MPP7: variants seen among roughly 807,000 people sequenced by gnomAD.
MPP7 encodes the protein MAGUK p55 scaffold protein 7, also known as MAGUK p55 subfamily member 7.
Under a neutral mutation model 76.5 loss-of-function variants are expected in MPP7, and 60 were observed. The observed-to-expected ratio is 0.78, with a 90% CI of 0.64 to 0.97. The LOEUF (loss-of-function observed/expected upper bound fraction) is 0.97. Among genes scored for constraint, MPP7 ranks in the 50% least tolerant of loss-of-function variants. The pLI is 0.00. For synonymous variants in MPP7, 237 were observed against 244.5 expected (o/e 0.97, Z 0.29); for missense variants, 641 against 694.0 (o/e 0.92, Z 0.86).
intron 8 of MPP7, among the ~76,000 whole-genome samples, chr10:28,122,221 G>C (rs1369891224): frequency 1.3e-5 from 2 of 151,592 alleles, no homozygotes; most frequent in East Asian, 3.9e-4. Flanking sequence ...TTTTTAAATG[G>C]ATCTATGGTC....
intron 2 of MPP7, among the ~76,000 whole-genome samples, chr10:28,217,054 A>C (rs560576222): frequency 2.6e-5 from 4 of 152,292 alleles, no homozygotes; most frequent in African/African-American, 9.6e-5. Context: ...ATATTCAGAA[A>C]AAAAATGTAG....
chr10:28,156,369 G>A (rs766832108), intron 3 of MPP7, among the ~76,000 whole-genome samples: 1 of 152,138 alleles, frequency 6.6e-6, no homozygotes, highest in Non-Finnish European at 1.5e-5. Context: ...CCTAGTAAGA[G>A]GAGATTCTCG....
intron 3 of MPP7, among the ~76,000 whole-genome samples, chr10:28,171,584 C>T (rs1417959486): frequency 1.3e-5 from 2 of 152,178 alleles, no homozygotes; most frequent in African/African-American, 4.8e-5. Flanking sequence ...GTCTTCTCTA[C>T]ACATTTACTG....
intron 3 of MPP7, among the ~76,000 whole-genome samples, chr10:28,185,533 C>A (rs1360363897): frequency 6.6e-6 from 1 of 152,110 alleles, no homozygotes; most frequent in Admixed American, 6.6e-5. Context: ...AGCAAAAGGT[C>A]CCAATTTGAT....
At chr10:28,295,801 G>A (rs1841024347) in intron 1 of MPP7, among the ~76,000 whole-genome samples, 1 of 152,202 alleles carries the variant, frequency 6.6e-6, no homozygotes, top group Admixed American at 6.5e-5. Context: ...TATCTAGACC[G>A]GGAGACTTTT....
intron 1 of MPP7, among the ~76,000 whole-genome samples, chr10:28,289,086 G>A (rs1840851988): frequency 6.6e-6 from 1 of 152,064 alleles, no homozygotes; most frequent in South Asian, 2.1e-4. Context: ...GATCATTTGA[G>A]GTCAGGAGTT....
chr10:28,240,494 G>A (rs1391537894), intron 1 of MPP7, among the ~76,000 whole-genome samples: 1 of 152,044 alleles, frequency 6.6e-6, no homozygotes, highest in Non-Finnish European at 1.5e-5. Flanking sequence ...TTATGTTATT[G>A]CAAAGGCTGA....
rs2133762969 is a variant in MPP7 at position 28,147,639 on chromosome 10, T to C, written c.235-76A>G. The C allele has an allele frequency of 5.6e-6, 7 of 1,251,408 alleles. No homozygotes were observed. In the East Asian group the frequency reaches 1.6e-4, roughly 29 times the overall value. The allele number at this position is 1,251,408 out of a possible 1,614,324, so 77.5% of individuals were successfully genotyped here. A position where few individuals can be genotyped will look rare whatever the true frequency, so the allele number is the denominator to read the frequency against. ...GGATTGGGTGTGTGACAACTGAGAA[T>C]CTAACTTGCTCAAGGCTATTACTTT... On this transcript the variant is annotated intron_variant, in intron 4 of 16. Transcript: ENST00000683449.
At chr10:28,171,856 G>A (rs187010185) in intron 3 of MPP7, among the ~76,000 whole-genome samples, 138 of 152,128 alleles carry the variant, frequency 9.1e-4, no homozygotes, top group Non-Finnish European at 1.4e-3. Context: ...CTTTTTGCTC[G>A]TGCCATGTTC....
At chr10:28,123,877 A>AT (rs1483166860) in intron 8 of MPP7, among the ~76,000 whole-genome samples, 154 bp downstream of exon 8, 2 of 152,154 alleles carry the variant, frequency 1.3e-5, no homozygotes, top group African/African-American at 2.4e-5. Context: ...GCATGAATAG[A>AT]TTAAGATATT....
chr10:28,185,750 T>G (rs1837215270), intron 3 of MPP7, among the ~76,000 whole-genome samples: 1 of 152,202 alleles, frequency 6.6e-6, no homozygotes, highest in Non-Finnish European at 1.5e-5. Flanking sequence ...ATTCTTATTT[T>G]TTTCTTAGAT....
chr10:28,140,625 A>G (rs1835487099), intron 5 of MPP7, among the ~76,000 whole-genome samples: 1 of 152,246 alleles, frequency 6.6e-6, no homozygotes, highest in Non-Finnish European at 1.5e-5. Flanking sequence ...TATGTATATT[A>G]ATAGCACTGA....
At chr10:28,313,639 G>A (rs1259214976) in intron 2 of MPP7, among the ~76,000 whole-genome samples, 2 of 152,038 alleles carry the variant, frequency 1.3e-5, no homozygotes, top group Admixed American at 1.3e-4. Flanking sequence ...AGAGAAGAAC[G>A]ATTTATGAAA....
At chr10:28,238,778 T>G in intron 1 of MPP7, 43 bp from the exon 2 acceptor site, 1 of 610,852 alleles carries the variant, frequency 1.6e-6, no homozygotes, top group Non-Finnish European at 2.9e-6. Context: ...AAAGGGACCA[T>G]CACCAAATCA....
At chr10:28,271,782 T>C (rs984154501) in intron 1 of MPP7, among the ~76,000 whole-genome samples, 13 of 152,132 alleles carry the variant, frequency 8.5e-5, no homozygotes, top group African/African-American at 3.1e-4. Context: ...AAGACCATCT[T>C]GGCTAACATA....
At chr10:28,071,624 C>G (rs1263335658) in intron 12 of MPP7, among the ~76,000 whole-genome samples, 1 of 151,980 alleles carries the variant, frequency 6.6e-6, no homozygotes, top group African/African-American at 2.4e-5. Flanking sequence ...ATACATTGAC[C>G]TAACTAAAAA....
intron 3 of MPP7, among the ~76,000 whole-genome samples, chr10:28,177,138 C>T (rs1836893984): frequency 6.6e-6 from 1 of 151,462 alleles, no homozygotes. Flanking sequence ...AGAGTTCTGG[C>T]CGGGCGCAGT....
intron 16 of MPP7, among the ~76,000 whole-genome samples, chr10:28,054,480 T>G (rs188014778): frequency 1.5e-3 from 223 of 152,330 alleles, no homozygotes; most frequent in African/African-American, 5.1e-3. Flanking sequence ...TCAAAACTCC[T>G]GCCTTAACTG....
rs1274138337 is a variant in MPP7, at chr10:28,131,622, C to G, written c.385G>C (p.Asp129His). The change falls in exon 6 of 17, where the codon GAT (aspartate) becomes CAT (histidine). Residue 129 changes from aspartate (D) to histidine (H), a missense_variant. Coordinates refer to ENST00000683449, the MANE Select transcript of MPP7 (RefSeq NM_001318170.2). ...YDPVLPPMPE[D>H]IDDEEDSVKI... The stretch of plus-strand genomic sequence containing the variant: ...ACTGAGTCTTCCTCATCGTCAATAT[C>G]TTCAGGCATAGGAGGCAACACTGGG... The G allele has an allele frequency of 6.2e-7, 1 of 1,607,186 alleles. No individual in the cohort carries two copies. Among genetic ancestry groups the G allele is most frequent in the East Asian group, 2.3e-5 (1 of 44,428 alleles).
Sources: allele counts gnomAD v4.1 joint callset (sites outside exome capture counted in the v4.1 genomes callset), GRCh38; gene constraint gnomAD v4.1.1; transcripts MANE v1.5; gene names NCBI Gene and HGNC (gene_info 2026-07-23, HGNC 2026-07-21).